The following ZC4H2 variants were observed in gnomAD, a reference collection of about 807,000 sequenced individuals.
The protein encoded by ZC4H2 is zinc finger C4H2-type containing.
For missense variants in ZC4H2, 137 were observed against 173.9 expected (o/e 0.79, Z 1.19); for synonymous variants, 84 against 66.3 (o/e 1.27, Z -1.30).
upstream of ZC4H2, among the ~76,000 whole-genome samples, chrX:64,979,941 T>C (rs767996457): frequency 8.9e-6 from 1 of 111,752 alleles, no homozygotes; most frequent in African/African-American, 3.3e-5. Flanking sequence ...TCAGTCTCGA[T>C]TATACTTTCA....
At chrX:65,029,764 G>A (rs1932916312) in intron 1 of ZC4H2, among the ~76,000 whole-genome samples, 1 of 111,116 alleles carries the variant, frequency 9.0e-6, no homozygotes, top group African/African-American at 3.3e-5. Context: ...CCTGTAACCT[G>A]CAATTTTTTT....
At chrX:65,032,796 G>T (rs1231188022) in intron 1 of ZC4H2, among the ~76,000 whole-genome samples, 1 of 85,582 alleles carries the variant, frequency 1.2e-5, no homozygotes, top group African/African-American at 5.4e-5. Flanking sequence ...TTTTTTTTGG[G>T]GGACGGAGTC....
At chrX:64,929,482 T>A (rs1047537878) in intron 1 of ZC4H2, among the ~76,000 whole-genome samples, 5 of 111,952 alleles carry the variant, frequency 4.5e-5, no homozygotes, top group Non-Finnish European at 9.4e-5. Context: ...TACCTTCTAG[T>A]ATTTTTATAG....
At chrX:64,970,516 G>C (rs1406685475) in intron 1 of ZC4H2, among the ~76,000 whole-genome samples, 1 of 108,371 alleles carries the variant, frequency 9.2e-6, no homozygotes, top group Non-Finnish European at 1.9e-5. Flanking sequence ...GAGGGAGGGA[G>C]GGGGGAAGGA....
chrX:64,920,026 A>T, intron 3 of ZC4H2, 55 bp downstream of exon 3: 3 of 1,151,365 alleles, frequency 2.6e-6, no homozygotes, highest in Non-Finnish European at 3.5e-6. Context: ...GTATGTAAGT[A>T]TGTATGTGGG....
intron 1 of ZC4H2, among the ~76,000 whole-genome samples, chrX:64,968,974 G>A (rs1343446941): frequency 9.0e-6 from 1 of 111,603 alleles, no homozygotes; most frequent in African/African-American, 3.3e-5. Flanking sequence ...TGAATGTTGT[G>A]TCTTCATATG....
intron 1 of ZC4H2, among the ~76,000 whole-genome samples, chrX:65,017,565 TC>T (rs202125371): frequency 0.082 from 9,178 of 111,767 alleles, 1,018 homozygotes; most frequent in African/African-American, 0.29. Context: ...AATAACTTTC[TC>T]CCCAATTTAT....
At chrX:65,025,179 C>G (rs1196991577) in intron 1 of ZC4H2, among the ~76,000 whole-genome samples, 3 of 85,719 alleles carry the variant, frequency 3.5e-5, no homozygotes, top group African/African-American at 4.9e-5. Flanking sequence ...GTCACGGTCT[C>G]GCTCTGTCAA....
intron 1 of ZC4H2, among the ~76,000 whole-genome samples, chrX:64,927,105 T>A (rs1166009261): frequency 1.8e-5 from 2 of 111,933 alleles, no homozygotes; most frequent in Non-Finnish European, 3.8e-5. Flanking sequence ...TAAATTTTTT[T>A]TAAAAGTCCA....
intron 1 of ZC4H2, among the ~76,000 whole-genome samples, chrX:65,021,040 C>A (rs1383468692): frequency 9.1e-6 from 1 of 110,403 alleles, no homozygotes; most frequent in Non-Finnish European, 1.9e-5. Context: ...TTCTTAGAGA[C>A]CTACAAAGAG....
At chrX:64,968,641 A>G (rs1358825791) in intron 1 of ZC4H2, among the ~76,000 whole-genome samples, 1 of 111,462 alleles carries the variant, frequency 9.0e-6, no homozygotes, top group Non-Finnish European at 1.9e-5. Flanking sequence ...AGATTTTTCC[A>G]AGAGGCTAAA....
chrX:64,977,037 C>T (rs1931973715), upstream of ZC4H2, among the ~76,000 whole-genome samples: 1 of 111,409 alleles, frequency 9.0e-6, no homozygotes, highest in African/African-American at 3.3e-5. Flanking sequence ...CAAACAATTA[C>T]TTAAGCTCGG....
At chrX:64,928,682 T>TTCTTCTTCTTCTTCC (rs1331300174) in intron 1 of ZC4H2, among the ~76,000 whole-genome samples, 13 of 91,941 alleles carry the variant, frequency 1.4e-4, no homozygotes, top group Admixed American at 2.6e-4. Context: ...CTTCTTCTTC[T>TTCTTCTTCTTCTTCC]TCCTCCTCCT....
At chrX:64,947,110 T>C (rs1384428691) in intron 1 of ZC4H2, among the ~76,000 whole-genome samples, 1 of 112,373 alleles carries the variant, frequency 8.9e-6, no homozygotes, top group African/African-American at 3.2e-5. Flanking sequence ...CAGATATATG[T>C]TGTTTAGTGT....
intron 1 of ZC4H2, among the ~76,000 whole-genome samples, chrX:64,944,333 C>T (rs926291628): frequency 2.8e-5 from 3 of 108,040 alleles, no homozygotes; most frequent in East Asian, 2.9e-4. Context: ...TTAGTAGAGA[C>T]GGGGTTTCAC....
At chrX:64,923,624 T>C (rs761969225) in intron 1 of ZC4H2, among the ~76,000 whole-genome samples, 39 of 110,096 alleles carry the variant, frequency 3.5e-4, no homozygotes, top group African/African-American at 1.2e-3. Context: ...GTTAGGTGGG[T>C]AGGATGGTGG....
In ZC4H2 at chrX:64,916,545, C is replaced by G. The variant is rs1484834325; in HGVS notation, c.*1238G>C. 8.9e-6 allele frequency: 1 copy of G among 111,873 alleles called. No homozygotes were observed. The highest frequency in any genetic ancestry group is 1.9e-5 in the Non-Finnish European group (1 of 53,159). 9.2% of individuals were successfully genotyped at this position (111,873 alleles called of 1,213,427 possible). On this transcript the variant is annotated 3_prime_UTR_variant, in exon 5 of 5. Coordinates refer to ENST00000374839, the MANE Select transcript of ZC4H2 (RefSeq NM_018684.4). ...ACATACACACTGTGGCAATGTAAAA[C>G]TACTTAAGGAAGGAAAAATATCCCC...
chrX:65,017,540 G>A (rs1932805521), intron 1 of ZC4H2, among the ~76,000 whole-genome samples: 1 of 109,486 alleles, frequency 9.1e-6, no homozygotes, highest in Non-Finnish European at 1.9e-5. Context: ...AATTCCCAAA[G>A]AAATTAAAGC....
upstream of ZC4H2, among the ~76,000 whole-genome samples, chrX:64,977,569 G>A (rs1038674834): frequency 6.3e-5 from 7 of 111,543 alleles, no homozygotes; most frequent in South Asian, 3.8e-4. Context: ...ACAGATCTCG[G>A]CCCACTGCAA....
Sources: gnomAD v4.1 joint callset for allele counts (sites outside exome capture counted in the v4.1 genomes callset) on GRCh38, gnomAD v4.1.1 for gene constraint, MANE v1.5 for transcripts, NCBI Gene and HGNC (gene_info 2026-07-23, HGNC 2026-07-21) for gene names.